RGS20: variants seen among roughly 807,000 people sequenced by gnomAD.
RGS20 encodes regulator of G protein signaling 20.
In RGS20, 30 loss-of-function variants were observed where a neutral mutation model predicts 33.6. The ratio of observed to expected loss-of-function variants is 0.89; its 90% CI spans 0.67 to 1.21. The LOEUF is 1.21. RGS20 is among the 50% of genes most tolerant of loss of function. The pLI is 0.00. For missense variants in RGS20, 472 were observed against 502.4 expected, an observed-to-expected ratio of 0.94 and a Z score of 0.58; for synonymous variants, 208 against 197.9, an observed-to-expected ratio of 1.05 and a Z score of -0.43.
In RGS20 at chr8:53,907,098, G is replaced by A. The variant is rs1031411441; in HGVS notation, c.510+27496G>A. On this transcript the variant is annotated intron_variant, in intron 2 of 5. Coordinates refer to ENST00000297313, the MANE Select transcript of RGS20 (RefSeq NM_170587.4). ...CCATCAATTAACTCTGTAGCATATCGTAACAAAAATCTGGGAGAAGCAATG... is the reference window on the plus strand; with the variant it reads ...CCATCAATTAACTCTGTAGCATATCATAACAAAAATCTGGGAGAAGCAATG... Among the ~76,000 whole-genome samples the A allele has an allele frequency of 5.3e-5, 8 of 152,110 alleles. 1 individual carries two copies. Among genetic ancestry groups the A allele is most frequent in the Non-Finnish European group, 8.8e-5 (6 of 68,018 alleles).
intron 2 of RGS20, among the ~76,000 whole-genome samples, chr8:53,933,349 C>T (rs1814030193): frequency 6.6e-6 from 1 of 151,968 alleles, no homozygotes; most frequent in African/African-American, 2.4e-5. Flanking sequence ...TGAAAGGAAG[C>T]TAAGAACCTT....
Position 53,877,589 on chromosome 8 carries a change from A to C in RGS20, c.166-1669A>C, listed in dbSNP as rs567637867. Reference sequence around the variant, plus strand: ...GAGGGAGCTGTTGGCGCTTCTCCAGAAGCCTCCTCGGCTCCCAGCTCCAGC... The same window carrying C: ...GAGGGAGCTGTTGGCGCTTCTCCAGCAGCCTCCTCGGCTCCCAGCTCCAGC... On this transcript the variant is annotated intron_variant, in intron 1 of 5. Coordinates refer to ENST00000297313, the MANE Select transcript of RGS20 (RefSeq NM_170587.4). This position sits in a 1 kb window ranked among gnomAD's most constrained non-coding sequence, Gnocchi z 5.7. 5.3e-5 allele frequency among the ~76,000 whole-genome samples: 8 copies of C among 152,192 alleles called. No homozygotes were observed. The highest frequency in any genetic ancestry group is 1.3e-4 in the Admixed American group (2 of 15,284).
chr8:53,867,766 G>A (rs938124644), intron 1 of RGS20, among the ~76,000 whole-genome samples: 48 of 149,996 alleles, frequency 3.2e-4, no homozygotes, highest in African/African-American at 9.4e-4. Flanking sequence ...CAGGGTCTCC[G>A]ATCACCAGTG....
chr8:53,860,236 AG>A (rs1395339639), intron 1 of RGS20, among the ~76,000 whole-genome samples: 1 of 152,242 alleles, frequency 6.6e-6, no homozygotes, highest in Non-Finnish European at 1.5e-5. Context: ...CAAATATTCA[AG>A]AAAGAAACCC....
intron 1 of RGS20, among the ~76,000 whole-genome samples, chr8:53,874,124 C>T (rs1436027214): frequency 1.3e-5 from 2 of 152,042 alleles, no homozygotes; most frequent in African/African-American, 4.8e-5. Context: ...TGCTTGAAGC[C>T]AGGCGGTAGA....
At chr8:53,863,799 T>A (rs1240593295) in intron 1 of RGS20, among the ~76,000 whole-genome samples, 1 of 148,046 alleles carries the variant, frequency 6.8e-6, no homozygotes. Flanking sequence ...CCAACTCGGC[T>A]CACTGCAACC....
intron 5 of RGS20, among the ~76,000 whole-genome samples, chr8:53,955,953 T>C (rs968912148): frequency 5.9e-5 from 9 of 152,152 alleles, no homozygotes; most frequent in Non-Finnish European, 1.3e-4. Context: ...GAATGTCAAG[T>C]TGAAGAAGCA....
intron 2 of RGS20, among the ~76,000 whole-genome samples, chr8:53,882,681 T>A (rs1004228): frequency 1.3e-5 from 2 of 151,218 alleles, no homozygotes; most frequent in African/African-American, 4.9e-5. Flanking sequence ...CCTATCGCTC[T>A]TTGTCGAACT....
chr8:53,907,068 A>G (rs1813200392), intron 2 of RGS20, among the ~76,000 whole-genome samples: 1 of 152,214 alleles, frequency 6.6e-6, no homozygotes, highest in South Asian at 2.1e-4. Flanking sequence ...GCAGAAAGAA[A>G]TGTCCCATCA....
At position 53,939,672 on chromosome 8, in the gene RGS20, C is replaced by T. The variant is rs373302571; in HGVS notation, c.607C>T (p.Arg203Cys). ...CCCAGGCCAGCCCGGAGCGGGGAGT[C>T]GCGGGTCCAACGCATGCTGCTTCTG... Residue 203 changes from arginine to cysteine, a missense_variant, in exon 3 of 6, where the codon CGC becomes TGC. Arg to Cys is a radical substitution (Grantham distance 180, BLOSUM62 -3). Transcript: ENST00000297313. 5.7e-5 allele frequency: 90 copies of T among 1,579,632 alleles called. No individual in the cohort carries two copies. Among genetic ancestry groups the T allele is most frequent in the Admixed American group, 4.1e-4 (22 of 53,394 alleles).
At chr8:53,914,095 G>A (rs756017070) in intron 2 of RGS20, among the ~76,000 whole-genome samples, 22 of 148,050 alleles carry the variant, frequency 1.5e-4, no homozygotes, top group Non-Finnish European at 5.9e-5. Context: ...CAGTGGCACC[G>A]TCATGGCTCA....
chr8:53,854,674 T>C (rs1389884600), intron 1 of RGS20, among the ~76,000 whole-genome samples: 1 of 152,180 alleles, frequency 6.6e-6, no homozygotes, highest in African/African-American at 2.4e-5. Context: ...CTGATAGGAA[T>C]GTAAAATAGT....
At chr8:53,957,991 C>T (rs1324677088) in intron 5 of RGS20, among the ~76,000 whole-genome samples, 1 of 151,908 alleles carries the variant, frequency 6.6e-6, no homozygotes, top group Non-Finnish European at 1.5e-5. Flanking sequence ...AAAAAGTTAG[C>T]CGGGTGTGGT....
At chr8:53,898,028 C>T (rs1812915956) in intron 2 of RGS20, among the ~76,000 whole-genome samples, 1 of 152,144 alleles carries the variant, frequency 6.6e-6, no homozygotes, top group Admixed American at 6.6e-5. Flanking sequence ...CCACTCCGGG[C>T]CATACTTTGG....
chr8:53,863,395 G>A (rs1448841648), intron 1 of RGS20, among the ~76,000 whole-genome samples: 1 of 152,132 alleles, frequency 6.6e-6, no homozygotes, highest in Admixed American at 6.6e-5. Flanking sequence ...ATTCTCAGGG[G>A]CCCAAGAGCA....
chr8:53,879,681 A>G (rs558248878), intron 2 of RGS20: 36 of 1,144,908 alleles, frequency 3.1e-5, no homozygotes, highest in Middle Eastern at 2.9e-4. Context: ...CCTAACCCCA[A>G]CTGACCCGCT....
intron 2 of RGS20, among the ~76,000 whole-genome samples, chr8:53,893,856 G>C (rs1812781658): frequency 6.6e-6 from 1 of 152,052 alleles, no homozygotes; most frequent in African/African-American, 2.4e-5. Flanking sequence ...AGTATAAAAA[G>C]GATAAAATTA....
At chr8:53,946,369 T>A (rs949555069) in intron 3 of RGS20, among the ~76,000 whole-genome samples, 3 of 152,206 alleles carry the variant, frequency 2.0e-5, no homozygotes, top group Admixed American at 2.0e-4. Context: ...AACCCTTTTT[T>A]ACTATTTTCT....
chr8:53,873,374 CCAAA>C (rs1455129524), intron 1 of RGS20, among the ~76,000 whole-genome samples: 1 of 152,160 alleles, frequency 6.6e-6, no homozygotes, highest in Non-Finnish European at 1.5e-5. Context: ...TATGTATCCA[CCAAA>C]CAATCACTCC....
Sources: gnomAD v4.1 joint callset for allele counts (sites outside exome capture counted in the v4.1 genomes callset) on GRCh38, gnomAD v4.1.1 for gene constraint, Gnocchi (gnomAD v3.1) non-coding constraint, MANE v1.5 for transcripts, NCBI Gene and HGNC (gene_info 2026-07-23, HGNC 2026-07-21) for gene names.